Variants in RNF149 observed in about 807,000 individuals in gnomAD.
The protein encoded by RNF149 is ring finger protein 149, also known as E3 ubiquitin-protein ligase RNF149.
RNF149 carries 21 observed loss-of-function variants against 39.0 expected under a neutral mutation model. The observed-to-expected ratio is 0.54, with a 90% confidence interval of 0.38 to 0.77. RNF149 has a LOEUF of 0.77. RNF149 is among the 30% of genes least tolerant of loss of function. The pLI, the probability that RNF149 is intolerant of heterozygous loss-of-function variation, is 0.00. For synonymous variants in RNF149, 209 were observed against 213.6 expected, an observed-to-expected ratio of 0.98 and a Z score of 0.19; for missense variants, 493 against 534.9, an observed-to-expected ratio of 0.92 and a Z score of 0.77.
rs915603527 is a variant in RNF149, at chr2:101,308,118, G to A, written c.460+11C>T. ...AGTCCCCCTCCCGTCCTCGCGCCCC[G>A]GCCTGCTCACCCGCGTGAGACATGG... On this transcript the variant is annotated intron_variant, in intron 1 of 6. Transcript: ENST00000295317. 1.2e-6 allele frequency: 2 copies of A among 1,605,672 alleles called. No homozygotes were observed. Among genetic ancestry groups the A allele is most frequent in the African/African-American group, 1.4e-5 (1 of 73,864 alleles).
In RNF149 at chr2:101,294,096, A is replaced by G. The variant is rs747712846; in HGVS notation, c.712-14T>C. The G allele has an allele frequency of 1.4e-6, 2 of 1,391,892 alleles. No individual in the cohort carries two copies. The highest frequency in any genetic ancestry group is 2.0e-6 in the Non-Finnish European group (2 of 985,914). The allele number at this position is 1,391,892 out of a possible 1,614,324, so 86.2% of individuals were successfully genotyped here. A position where few individuals can be genotyped will look rare whatever the true frequency, so the allele number is the denominator to read the frequency against. On this transcript the variant is annotated splice_polypyrimidine_tract_variant and intron_variant, in intron 2 of 6. Coordinates refer to ENST00000295317, the MANE Select transcript of RNF149 (RefSeq NM_173647.4). ...TTTTCTATGGCTCTTGGGTAGGAAAATATTAATACAGTTATTGAAAAATTT... is the reference window on the plus strand; with the variant it reads ...TTTTCTATGGCTCTTGGGTAGGAAAGTATTAATACAGTTATTGAAAAATTT...
downstream of RNF149, among the ~76,000 whole-genome samples, chr2:101,274,401 C>T (rs1558773536): frequency 6.6e-6 from 1 of 152,216 alleles, no homozygotes; most frequent in Non-Finnish European, 1.5e-5. Flanking sequence ...GTGAAGTCAC[C>T]ACTCTGACAC....
At chr2:101,275,355 G>C (rs1169310691), downstream of RNF149, among the ~76,000 whole-genome samples, 5 of 147,312 alleles carry the variant, frequency 3.4e-5, no homozygotes, top group Non-Finnish European at 7.4e-5. Context: ...CTGATCTTGT[G>C]ATCTGCCTGC....
In RNF149 at chr2:101,276,671, T is replaced by G; in HGVS notation, c.*567A>C. 1 of 985,762 alleles carries G rather than the reference T, an allele frequency of 1.0e-6. No individual in the cohort carries two copies. The highest frequency in any genetic ancestry group is 1.2e-6 in the Non-Finnish European group (1 of 830,000). The allele number at this position is 985,762 out of a possible 1,614,324, so 61.1% of individuals were successfully genotyped here. On this transcript the variant is annotated 3_prime_UTR_variant, in exon 7 of 7. Coordinates refer to ENST00000295317, the MANE Select transcript of RNF149 (RefSeq NM_173647.4). ...AGTCATCTAGTGCCTTTCTCATAAT[T>G]CTAAACAAAGAAAAAGTGCTCTCAG...
At chr2:101,303,399 T>C (rs1010035628) in intron 1 of RNF149, among the ~76,000 whole-genome samples, 1 of 152,034 alleles carries the variant, frequency 6.6e-6, no homozygotes, top group Non-Finnish European at 1.5e-5. Context: ...AGTGCTGGGA[T>C]TACAGGTGTG....
intron 1 of RNF149, among the ~76,000 whole-genome samples, chr2:101,302,526 T>C (rs534302780): frequency 6.6e-6 from 1 of 152,344 alleles, no homozygotes; most frequent in East Asian, 1.9e-4. Context: ...TATAATACTA[T>C]ATTCAATGTT....
At chr2:101,289,380 TATTA>T (rs974121903) in intron 3 of RNF149, among the ~76,000 whole-genome samples, 4 of 152,120 alleles carry the variant, frequency 2.6e-5, no homozygotes, top group Non-Finnish European at 5.9e-5. Context: ...ACATTTTATT[TATTA>T]TTGTTTTATT....
intron 1 of RNF149, among the ~76,000 whole-genome samples, chr2:101,299,939 C>T (rs1462171170): frequency 1.3e-5 from 2 of 152,238 alleles, no homozygotes; most frequent in African/African-American, 2.4e-5. Flanking sequence ...ACAGGCTTCA[C>T]AGCCAGACAG....
intron 1 of RNF149, among the ~76,000 whole-genome samples, chr2:101,297,135 G>C (rs1317589599): frequency 6.6e-6 from 1 of 152,166 alleles, no homozygotes; most frequent in East Asian, 1.9e-4. Flanking sequence ...CTTGAACCCA[G>C]GAGGCAGAGG....
At chr2:101,297,967 C>T (rs1467194020) in intron 1 of RNF149, among the ~76,000 whole-genome samples, 2 of 152,172 alleles carry the variant, frequency 1.3e-5, no homozygotes, top group Admixed American at 6.5e-5. Flanking sequence ...CAAAAATAGG[C>T]ACGAATGAGC....
intron 1 of RNF149, among the ~76,000 whole-genome samples, chr2:101,300,797 G>C (rs1014869651): frequency 6.6e-6 from 1 of 152,216 alleles, no homozygotes; most frequent in Non-Finnish European, 1.5e-5. Flanking sequence ...TGCTTTTCCA[G>C]AACATTTCAG....
In RNF149 at chr2:101,276,713, A is replaced by G; in HGVS notation, c.*525T>C. ...TGCTCTCAGGTTTTGAAATCTTCAC[A>G]TACACTACAGATGGGCAAAAAAGCT... is the stretch of plus-strand genomic sequence containing the variant. On this transcript the variant is annotated 3_prime_UTR_variant, in exon 7 of 7. Coordinates refer to ENST00000295317, the MANE Select transcript of RNF149 (RefSeq NM_173647.4). 1.0e-6 allele frequency: 1 copy of G among 986,140 alleles called. No homozygotes were observed. The highest frequency in any genetic ancestry group is 1.2e-6 in the Non-Finnish European group (1 of 830,328). 61.1% of individuals were successfully genotyped at this position (986,140 alleles called of 1,614,324 possible). A position where few individuals can be genotyped will look rare whatever the true frequency, so the allele number is the denominator to read the frequency against.
intron 1 of RNF149, among the ~76,000 whole-genome samples, chr2:101,295,720 T>C (rs1368179088): frequency 1.4e-5 from 2 of 147,132 alleles, no homozygotes; most frequent in African/African-American, 2.5e-5. Context: ...GTTTCACAGG[T>C]GAAATCTACC....
In RNF149 at chr2:101,276,979, C is replaced by A. The variant is rs1682368299; in HGVS notation, c.*259G>T. ...GTCCTTTATATTAGAGTACCTGCCC[C>A]AGTTGTCTTTGTAATAGTCTGAAGC... On this transcript the variant is annotated 3_prime_UTR_variant, in exon 7 of 7. Coordinates refer to ENST00000295317, the MANE Select transcript of RNF149 (RefSeq NM_173647.4). 3 of 1,191,572 alleles carry A rather than the reference C, an allele frequency of 2.5e-6. No individual in the cohort carries two copies. The East Asian group carries it at 1.4e-4, about 55-fold the overall frequency. 73.8% of individuals were successfully genotyped at this position (1,191,572 alleles called of 1,614,324 possible). A position where few individuals can be genotyped will look rare whatever the true frequency, so the allele number is the denominator to read the frequency against.
At chr2:101,282,430 G>A (rs1302669304) in intron 5 of RNF149, among the ~76,000 whole-genome samples, 1 of 152,046 alleles carries the variant, frequency 6.6e-6, no homozygotes, top group Non-Finnish European at 1.5e-5. Flanking sequence ...TGAGGCACTA[G>A]GGTTTCAGAA....
chr2:101,295,658 C>A (rs1192828), intron 1 of RNF149, among the ~76,000 whole-genome samples: 28,069 of 142,814 alleles, frequency 0.2, 3,633 homozygotes, highest in African/African-American at 0.37. Context: ...GAGACCCCAT[C>A]TCAAAAAAAA....
intron 2 of RNF149, chr2:101,294,433 G>A: frequency 4.4e-6 from 1 of 227,684 alleles, no homozygotes; most frequent in Non-Finnish European, 8.6e-6. Context: ...GAGGATAGGG[G>A]TACCACATGC....
downstream of RNF149, among the ~76,000 whole-genome samples, chr2:101,274,824 T>C (rs1048304386): frequency 2.0e-5 from 3 of 152,232 alleles, no homozygotes; most frequent in Non-Finnish European, 4.4e-5. Context: ...TTTGCTCTTG[T>C]TGCCCAGGCT....
chr2:101,278,604 C>G (rs1020934282), intron 6 of RNF149, among the ~76,000 whole-genome samples: 8 of 152,050 alleles, frequency 5.3e-5, no homozygotes, highest in African/African-American at 1.9e-4. Context: ...TGTTCTGAAA[C>G]ATGTATACAT....
Sources: gnomAD v4.1 joint callset for allele counts (sites outside exome capture counted in the v4.1 genomes callset) on GRCh38, gnomAD v4.1.1 for gene constraint, MANE v1.5 for transcripts, NCBI Gene and HGNC (gene_info 2026-07-23, HGNC 2026-07-21) for gene names.